Variants in UBR3 observed in about 807,000 individuals in gnomAD.
UBR3 encodes the protein E3 ubiquitin-protein ligase UBR3.
A neutral mutation model predicts 243.2 loss-of-function variants in UBR3; 85 were observed. That is an observed-to-expected ratio of 0.35 (90% CI 0.29 to 0.42). UBR3 has a LOEUF of 0.42. Among genes scored for constraint, UBR3 ranks in the 10% least tolerant of loss-of-function variants. The pLI, the probability that UBR3 is intolerant of heterozygous loss-of-function variation, is 1.00. For synonymous variants in UBR3, 748 were observed against 799.8 expected (o/e 0.94, Z 1.09); for missense variants, 1,686 against 2,300.8 (o/e 0.73, Z 5.47).
intron 25 of UBR3, among the ~76,000 whole-genome samples, chr2:169,990,982 G>A (rs547110979): frequency 1.6e-4 from 24 of 152,072 alleles, no homozygotes; most frequent in Non-Finnish European, 3.1e-4. Context: ...ATTCACTTTA[G>A]ATCCAGAGAC....
chr2:169,913,331 G>T (rs1259416093), intron 10 of UBR3, among the ~76,000 whole-genome samples: 1 of 148,764 alleles, frequency 6.7e-6, no homozygotes, highest in Non-Finnish European at 1.5e-5. Context: ...TAAATCCTTT[G>T]CCTGTTTTTT....
In UBR3 at chr2:169,895,284, C is replaced by T; in HGVS notation, c.1209C>T (p.Leu403=). The T allele has an allele frequency of 6.5e-7, 1 of 1,544,630 alleles. No homozygotes were observed. The highest frequency in any genetic ancestry group is 1.2e-5 in the South Asian group (1 of 82,620). ...CTCAAAAGATGGTAACTTTCTTACTCAACATGCTTCCAGATCAAGAGTATA... is the reference window on the plus strand; with the variant it reads ...CTCAAAAGATGGTAACTTTCTTACTTAACATGCTTCCAGATCAAGAGTATA... ...EFPQKMVTFL[L]NMLPDQEYKV... The change falls in exon 7 of 39, where the codon CTC becomes CTT. Residue 403 remains leucine, a synonymous_variant. Transcript: ENST00000272793.
intron 1 of UBR3, among the ~76,000 whole-genome samples, chr2:169,857,941 A>T (rs2082947926): frequency 6.6e-6 from 1 of 152,146 alleles, no homozygotes; most frequent in African/African-American, 2.4e-5. Flanking sequence ...GACATATTTT[A>T]TGACCAGTAG....
chr2:169,874,233 A>G (rs544140535), intron 2 of UBR3, among the ~76,000 whole-genome samples: 20 of 150,996 alleles, frequency 1.3e-4, no homozygotes, highest in African/African-American at 3.9e-4. Flanking sequence ...CAGTGGTGCG[A>G]TGTCAGCTCA....
At chr2:169,857,077 T>TTTG (rs2082909426) in intron 1 of UBR3, among the ~76,000 whole-genome samples, 1 of 126,084 alleles carries the variant, frequency 7.9e-6, no homozygotes, top group Non-Finnish European at 1.7e-5. Flanking sequence ...TTTTTTTTTT[T>TTTG]TTTTTTTTTT....
Position 169,858,243 on chromosome 2 carries a change from C to T in UBR3, c.546-13993C>T, listed in dbSNP as rs2082959875. 2.0e-5 allele frequency among the ~76,000 whole-genome samples: 3 copies of T among 152,162 alleles called. No individual in the cohort carries two copies. In the South Asian group the frequency reaches 6.2e-4, roughly 32 times the overall value. Reference sequence around the variant, plus strand: ...GGAGGATCGACTTCTAAGTGGGTTACTCACATGGCTGTTGACAAAGAGGGT... The same window carrying T: ...GGAGGATCGACTTCTAAGTGGGTTATTCACATGGCTGTTGACAAAGAGGGT... On this transcript the variant is annotated intron_variant, in intron 1 of 38. Transcript: ENST00000272793.
At chr2:170,081,360 T>G (rs2091902832) in intron 38 of UBR3, among the ~76,000 whole-genome samples, 2 of 151,108 alleles carry the variant, frequency 1.3e-5, no homozygotes, top group Non-Finnish European at 2.9e-5. Flanking sequence ...ATTAGCCGGG[T>G]GTGGTGGCGG....
chr2:170,001,912 CAAAAAAAAAAA>C lies in UBR3; in HGVS notation c.4029+518_4029+528del, dbSNP rs71006062. Among the ~76,000 whole-genome samples the C allele has an allele frequency of 1.3e-3, 90 of 67,502 alleles. 1 individual carries two copies. The highest frequency in any genetic ancestry group is 0.019 in the Middle Eastern group (2 of 104). 44.3% of individuals were successfully genotyped at this position (67,502 alleles called of 152,430 possible). A position where few individuals can be genotyped will look rare whatever the true frequency, so the allele number is the denominator to read the frequency against. ...TGGGCAACAGAGAGAGACTCCATCT[CAAAAAAAAAAA>C]AAAAAAAAAAAAAAAAAAAGAAAGA... On this transcript the variant is annotated intron_variant, in intron 27 of 38. Transcript: ENST00000272793.
intron 35 of UBR3, among the ~76,000 whole-genome samples, chr2:170,070,035 G>C (rs1050494260): frequency 6.6e-6 from 1 of 151,974 alleles, no homozygotes; most frequent in Non-Finnish European, 1.5e-5. Flanking sequence ...GGCTGGTTGA[G>C]TACATGGATA....
chr2:170,028,435 A>G (rs1337592743), intron 30 of UBR3, among the ~76,000 whole-genome samples: 1 of 151,806 alleles, frequency 6.6e-6, no homozygotes, highest in Non-Finnish European at 1.5e-5. Context: ...TGTGTCATTC[A>G]GTTAACTTTT....
At position 170,081,643 on chromosome 2, in the gene UBR3, T is replaced by A; in HGVS notation, c.5550-83T>A. ...AGGCGGAGGTTGCACTGCGAGAGAC[T>A]GTCTCAGAAAAAAAAGAAGAAAGAA... On this transcript the variant is annotated intron_variant, in intron 38 of 38. Coordinates refer to ENST00000272793, the MANE Select transcript of UBR3 (RefSeq NM_172070.4). 3.8e-6 allele frequency: 4 copies of A among 1,056,508 alleles called. No homozygotes were observed. The South Asian group carries it at 7.8e-5, about 21-fold the overall frequency. 65.4% of individuals were successfully genotyped at this position (1,056,508 alleles called of 1,614,324 possible). A position where few individuals can be genotyped will look rare whatever the true frequency, so the allele number is the denominator to read the frequency against.
At chr2:170,001,444 T>G (rs770827570) in intron 27 of UBR3, 30 bp downstream of exon 27, 2 of 1,340,406 alleles carry the variant, frequency 1.5e-6, no homozygotes, top group Non-Finnish European at 2.1e-6. Context: ...TTTTTAAAGG[T>G]GCATGTATCT....
At chr2:169,999,091 C>T (rs184861039) in intron 26 of UBR3, among the ~76,000 whole-genome samples, 235 of 152,238 alleles carry the variant, frequency 1.5e-3, no homozygotes, top group Non-Finnish European at 2.8e-3. Context: ...GTTGTGTAGA[C>T]GAATGACTCA....
intron 18 of UBR3, among the ~76,000 whole-genome samples, chr2:169,931,868 A>T (rs1390846912): frequency 6.6e-6 from 1 of 152,160 alleles, no homozygotes; most frequent in African/African-American, 2.4e-5. Flanking sequence ...AAATAATTAC[A>T]TAATTATTAA....
At chr2:169,853,496 G>A (rs949503312) in intron 1 of UBR3, among the ~76,000 whole-genome samples, 13 of 150,192 alleles carry the variant, frequency 8.7e-5, no homozygotes, top group African/African-American at 2.9e-4. Context: ...TGTTGCCCAG[G>A]CTAGAGTGCA....
At chr2:169,850,619 T>A (rs965595636) in intron 1 of UBR3, among the ~76,000 whole-genome samples, 1 of 151,816 alleles carries the variant, frequency 6.6e-6, no homozygotes, top group African/African-American at 2.4e-5. Flanking sequence ...CCGAGGCGGG[T>A]GGATCACGAG....
chr2:170,043,270 G>C (rs1479465579), intron 32 of UBR3, among the ~76,000 whole-genome samples: 1 of 152,074 alleles, frequency 6.6e-6, no homozygotes, highest in Non-Finnish European at 1.5e-5. Context: ...TTTTAGTTAA[G>C]AGTAAAGGAC....
Position 169,906,335 on chromosome 2 carries a change from C to T in UBR3, c.1779+171C>T, listed in dbSNP as rs114150185. On this transcript the variant is annotated intron_variant, in intron 10 of 38. Coordinates refer to ENST00000272793, the MANE Select transcript of UBR3 (RefSeq NM_172070.4). ...TTTCATTCTTAGGCAGTTTGGAATT[C>T]ATTATTATCAGATTTTTCCAGCCTG... 8.5e-3 allele frequency among the ~76,000 whole-genome samples: 1,290 copies of T among 152,224 alleles called. 23 individuals carry two copies. The highest frequency in any genetic ancestry group is 0.029 in the African/African-American group (1,204 of 41,530).
chr2:170,074,986 C>A (rs2091774133), intron 36 of UBR3, among the ~76,000 whole-genome samples: 1 of 151,892 alleles, frequency 6.6e-6, no homozygotes, highest in South Asian at 2.1e-4. Context: ...TAAAGGGGAG[C>A]CAAGTTTCAG....
Sources: gnomAD v4.1 joint callset for allele counts (sites outside exome capture counted in the v4.1 genomes callset) on GRCh38, gnomAD v4.1.1 for gene constraint, MANE v1.5 for transcripts, NCBI Gene and HGNC (gene_info 2026-07-23, HGNC 2026-07-21) for gene names.